DOCK4: variants seen among roughly 807,000 people sequenced by gnomAD.
The protein encoded by DOCK4 is dedicator of cytokinesis protein 4.
Under a neutral mutation model 268.1 loss-of-function variants are expected in DOCK4, and 97 were observed. That is an observed-to-expected ratio of 0.36 (90% CI 0.31 to 0.43). DOCK4 has a LOEUF of 0.43. DOCK4 is among the 20% of genes least tolerant of loss of function. DOCK4 has a pLI of 1.00. For missense variants in DOCK4, 2,145 were observed against 2,455.7 expected (o/e 0.87, Z 2.67); for synonymous variants, 954 against 887.2 (o/e 1.08, Z -1.34).
chr7:111,768,717 G>A (rs1340944345), intron 37 of DOCK4, among the ~76,000 whole-genome samples: 3 of 152,180 alleles, frequency 2.0e-5, no homozygotes, highest in South Asian at 4.1e-4. Context: ...TATATGATGG[G>A]ATGCCACAAA....
intron 9 of DOCK4, 104 bp downstream of exon 9, chr7:111,945,613 T>TA: frequency 1.0e-6 from 1 of 1,001,286 alleles, no homozygotes; most frequent in African/African-American, 1.6e-5. Flanking sequence ...ACATAAAGTT[T>TA]AAAAGCAAAT....
chr7:112,018,529 T>C (rs1179976742), intron 1 of DOCK4, among the ~76,000 whole-genome samples: 2 of 152,220 alleles, frequency 1.3e-5, no homozygotes, highest in Admixed American at 1.3e-4. Flanking sequence ...TCCAATTTTA[T>C]AAGCTAATGA....
intron 8 of DOCK4, among the ~76,000 whole-genome samples, chr7:111,960,523 CTT>C (rs753880464): frequency 0.18 from 14,199 of 78,358 alleles, 355 homozygotes; most frequent in African/African-American, 0.27. Context: ...ACCTCATGTG[CTT>C]TTTTTTTTTT....
At chr7:111,754,771 TG>T (rs1156743313) in intron 42 of DOCK4, among the ~76,000 whole-genome samples, 1 of 152,170 alleles carries the variant, frequency 6.6e-6, no homozygotes, top group Non-Finnish European at 1.5e-5. Flanking sequence ...GGCCTGGAGC[TG>T]GGGTCACATT....
intron 13 of DOCK4, among the ~76,000 whole-genome samples, chr7:111,904,745 T>C (rs1235051503): frequency 1.3e-5 from 2 of 152,170 alleles, no homozygotes; most frequent in Admixed American, 6.6e-5. Context: ...TACAGGGTAT[T>C]AGAAACCTCT....
chr7:111,981,212 C>T (rs554026523), intron 7 of DOCK4, among the ~76,000 whole-genome samples: 1 of 152,326 alleles, frequency 6.6e-6, no homozygotes, highest in African/African-American at 2.4e-5. Context: ...AACCTCCATG[C>T]TGAGGTCCTT....
intron 1 of DOCK4, among the ~76,000 whole-genome samples, chr7:112,128,888 G>C (rs922820156): frequency 2.0e-5 from 3 of 151,856 alleles, no homozygotes; most frequent in Non-Finnish European, 4.4e-5. Context: ...CCCCCTCTGC[G>C]AGAAACACCC....
At chr7:111,906,001 G>C (rs971627582) in intron 13 of DOCK4, among the ~76,000 whole-genome samples, 1 of 152,096 alleles carries the variant, frequency 6.6e-6, no homozygotes, top group Non-Finnish European at 1.5e-5. Context: ...TATAAAAAAG[G>C]CACTATCATT....
chr7:111,732,123 T>C, intron 52 of DOCK4, 103 bp downstream of exon 52: 1 of 1,167,364 alleles, frequency 8.6e-7, no homozygotes, highest in Non-Finnish European at 1.2e-6. Context: ...GTTCTTTGCC[T>C]GGTCCCTGCA....
At chr7:112,031,675 T>C (rs1340296371) in intron 1 of DOCK4, among the ~76,000 whole-genome samples, 1 of 152,216 alleles carries the variant, frequency 6.6e-6, no homozygotes, top group Non-Finnish European at 1.5e-5. Flanking sequence ...GAATTTGCTA[T>C]GTGTATTTCA....
chr7:112,181,920 A>G (rs552276587), intron 1 of DOCK4, among the ~76,000 whole-genome samples: 97 of 152,322 alleles, frequency 6.4e-4, no homozygotes, highest in African/African-American at 2.1e-3. Flanking sequence ...ATCTGCCTCT[A>G]GGGTGAGAAC....
intron 1 of DOCK4, among the ~76,000 whole-genome samples, chr7:112,099,155 GGT>G (rs2135800567): frequency 6.6e-6 from 1 of 152,118 alleles, no homozygotes; most frequent in African/African-American, 2.4e-5. Flanking sequence ...ATCCGGGCTT[GGT>G]GGCACATGCC....
intron 12 of DOCK4, among the ~76,000 whole-genome samples, chr7:111,934,637 C>T (rs1794564506): frequency 6.8e-6 from 1 of 146,730 alleles, no homozygotes; most frequent in African/African-American, 2.5e-5. Context: ...TCACGCCATT[C>T]TCCTGCCTCA....
intron 1 of DOCK4, among the ~76,000 whole-genome samples, chr7:112,065,685 C>T (rs79447319): frequency 0.05 from 7,563 of 151,728 alleles, 605 homozygotes; most frequent in African/African-American, 0.17. Context: ...CAGATATTCT[C>T]ATGCACAGCT....
In DOCK4 at chr7:111,907,128, A is replaced by G. The variant is rs141014529; in HGVS notation, c.1193-5327T>C. The stretch of plus-strand genomic sequence containing the variant: ...CAGGGCAAATGTACGGATAGGCTGA[A>G]AAGTTAACTAATATTATATCTCCAA... On this transcript the variant is annotated intron_variant, in intron 13 of 52. Coordinates refer to ENST00000428084, the MANE Select transcript of DOCK4 (RefSeq NM_001363540.2). 1.0e-4 allele frequency among the ~76,000 whole-genome samples: 15 copies of G among 145,934 alleles called. No individual in the cohort carries two copies. In the East Asian group the frequency reaches 2.7e-3, roughly 26 times the overall value.
At chr7:111,763,765 C>T (rs1797600105) in intron 39 of DOCK4, among the ~76,000 whole-genome samples, 2 of 152,164 alleles carry the variant, frequency 1.3e-5, no homozygotes, top group Non-Finnish European at 2.9e-5. Context: ...GGATCCAGGC[C>T]ATCTGCAGTC....
intron 26 of DOCK4, among the ~76,000 whole-genome samples, chr7:111,826,235 C>T (rs1241786274): frequency 6.6e-6 from 1 of 152,118 alleles, no homozygotes; most frequent in African/African-American, 2.4e-5. Context: ...CAAGAGAGAG[C>T]ACAGGGTTGC....
chr7:111,912,431 T>C (rs982097824), intron 13 of DOCK4, among the ~76,000 whole-genome samples: 2 of 152,208 alleles, frequency 1.3e-5, no homozygotes, highest in Non-Finnish European at 2.9e-5. Context: ...TTTGTTTCTA[T>C]GGAAGATCAA....
intron 1 of DOCK4, among the ~76,000 whole-genome samples, chr7:112,163,012 C>G (rs1817275020): frequency 6.6e-6 from 1 of 152,138 alleles, no homozygotes; most frequent in Admixed American, 6.5e-5. Context: ...AACTTATCCT[C>G]CTTTGTAGCT....
Sources: gnomAD v4.1 joint callset for allele counts (sites outside exome capture counted in the v4.1 genomes callset) on GRCh38, gnomAD v4.1.1 for gene constraint, MANE v1.5 for transcripts, NCBI Gene and HGNC (gene_info 2026-07-23, HGNC 2026-07-21) for gene names.